F13B: variants seen among roughly 807,000 people sequenced by gnomAD.
The protein encoded by F13B is coagulation factor XIII B chain.
A neutral mutation model predicts 79.8 loss-of-function variants in F13B; 58 were observed. The ratio of observed to expected loss-of-function variants is 0.73; its 90% CI spans 0.59 to 0.90. F13B has a LOEUF of 0.90. F13B is among the 40% of genes least tolerant of loss of function. The pLI is 0.00. For missense variants in F13B, 773 were observed against 777.0 expected, an observed-to-expected ratio of 0.99 and a Z score of 0.06; for synonymous variants, 283 against 260.3, an observed-to-expected ratio of 1.09 and a Z score of -0.84.
intron 1 of F13B, 85 bp downstream of exon 1, chr1:197,067,075 A>G (rs1656084335): frequency 2.2e-5 from 14 of 644,218 alleles, no homozygotes; most frequent in Non-Finnish European, 3.7e-5. Context: ...AAAATAGAAG[A>G]GTATATTAAA....
chr1:197,042,837 A>C (rs1318807739), intron 10 of F13B, among the ~76,000 whole-genome samples: 2 of 149,622 alleles, frequency 1.3e-5, no homozygotes, highest in Non-Finnish European at 3.0e-5. Context: ...AAAAAATTCT[A>C]TGTGCCATTT....
rs776011760 is a variant in F13B, at chr1:197,062,930, G to A, written c.192C>T (p.Thr64=). 1.2e-6 allele frequency: 2 copies of A among 1,613,810 alleles called. No individual in the cohort carries two copies. Among genetic ancestry groups the A allele is most frequent in the Non-Finnish European group, 1.7e-6 (2 of 1,179,824 alleles). Residue 64 remains threonine, a synonymous_variant, in exon 2 of 12, where the codon ACC becomes ACT. Coordinates refer to ENST00000367412, the MANE Select transcript of F13B (RefSeq NM_001994.3). ...GCTCTTCTTGTCTTCCACTTTCAGT[G>A]GTATAACCAGCCAAGCAGAAAAATG... The part of the protein sequence containing the change: ...KLSFFCLAGY[T]TESGRQEEQT...
chr1:197,050,079 G>T (rs558953462), intron 10 of F13B, among the ~76,000 whole-genome samples: 1 of 152,096 alleles, frequency 6.6e-6, no homozygotes, highest in South Asian at 2.1e-4. Flanking sequence ...ATTATCAAAG[G>T]TTTTACTTAT....
rs764387481 is a variant in F13B, at chr1:197,057,031, G to C, written c.1153C>G (p.Leu385Val). ...TACATACCAACACACTCAGGAGGAA[G>C]TGTCCATTTTCCACGATTACAAGTT... is the stretch of plus-strand genomic sequence containing the variant. ...EITCNRGKWT[L>V]PPECVENNEN... Residue 385 changes from leucine (L) to valine (V), a missense_variant, in exon 7 of 12, where the codon CTT becomes GTT. By Grantham distance (32) the Leu-to-Val change is conservative. Coordinates refer to ENST00000367412, the MANE Select transcript of F13B (RefSeq NM_001994.3). 100 of 1,613,496 alleles carry C rather than the reference G, an allele frequency of 6.2e-5. No individual in the cohort carries two copies. Among genetic ancestry groups the C allele is most frequent in the Non-Finnish European group, 7.1e-5 (84 of 1,179,840 alleles).
chr1:197,040,517 C>T lies in F13B; in HGVS notation c.1952+5G>A. ...TAATCTGACCAAAAAAAAAAAACTT[C>T]TTACCTTTGTCTTGGAATACATCTT... On this transcript the variant is annotated splice_donor_5th_base_variant and intron_variant, in intron 11 of 11. Transcript: ENST00000367412. 6.3e-7 allele frequency: 1 copy of T among 1,595,160 alleles called. No individual in the cohort carries two copies. The highest frequency in any genetic ancestry group is 8.6e-7 in the Non-Finnish European group (1 of 1,166,330).
In F13B at chr1:197,050,783, T is replaced by A. The variant is rs1655413370; in HGVS notation, c.1652A>T (p.Tyr551Phe). 1.1e-5 allele frequency: 17 copies of A among 1,613,462 alleles called. 1 individual carries two copies. In the Middle Eastern group the frequency reaches 5.0e-4, roughly 47 times the overall value. ...DTYENGSSVE[Y>F]RCFDHHFLEG... ...TAGGAAATGGTGATCAAAACATCTG[T>A]ATTCTACTGAAGAGCCATTTTCATA... is the stretch of plus-strand genomic sequence containing the variant. Residue 551 changes from tyrosine to phenylalanine, a missense_variant, in exon 10 of 12, where the codon TAC (tyrosine) becomes TTC (phenylalanine). Physicochemically the swap from Tyr to Phe is conservative, Grantham distance 22 (BLOSUM62 3). Coordinates refer to ENST00000367412, the MANE Select transcript of F13B (RefSeq NM_001994.3).
Position 197,057,396 on chromosome 1 carries a change from T to C in F13B, c.875A>G (p.Tyr292Cys). The C allele has an allele frequency of 1.2e-6, 2 of 1,613,970 alleles. No homozygotes were observed. The highest frequency in any genetic ancestry group is 1.7e-6 in the Non-Finnish European group (2 of 1,179,906). ...NSKIQTHSTT[Y>C]RHGEIVHIEC... ...TATATGAACTATTTCTCCATGACGA[T>C]AAGTTGTTGAATGTGTTTGAATTTT... Residue 292 changes from tyrosine (Y) to cysteine (C), a missense_variant, in exon 6 of 12, where the codon TAT becomes TGT. Transcript: ENST00000367412.
chr1:197,050,617 G>A (rs1655406068), intron 10 of F13B, 80 bp downstream of exon 10: 1 of 1,209,826 alleles, frequency 8.3e-7, no homozygotes, highest in Non-Finnish European at 1.2e-6. Flanking sequence ...CATTATATTA[G>A]TGTTATGTTA....
At chr1:197,044,964 G>A (rs919617021) in intron 10 of F13B, among the ~76,000 whole-genome samples, 3 of 151,906 alleles carry the variant, frequency 2.0e-5, no homozygotes, top group African/African-American at 7.3e-5. Context: ...ACCCAGTAAG[G>A]ACAAAGACAC....
In F13B at chr1:197,055,822, G is replaced by T. The variant is rs773595043; in HGVS notation, c.1247C>A (p.Ala416Glu). Reference protein sequence around the residue: ...AVADGILASYATGSSVEYRCN... With the variant: ...AVADGILASYETGSSVEYRCN... ...TCTATATTCCACTGAGGATCCTGTT[G>T]CATAGCTTGCCAATATCCCGTCTGC... The change falls in exon 8 of 12, where the codon GCA becomes GAA. Residue 416 changes from alanine to glutamate, a missense_variant. By Grantham distance (107) the Ala-to-Glu change is moderately radical (BLOSUM62 -1). Coordinates refer to ENST00000367412, the MANE Select transcript of F13B (RefSeq NM_001994.3). The T allele has an allele frequency of 2.6e-5, 42 of 1,613,272 alleles. No homozygotes were observed. The East Asian group carries it at 5.3e-4, about 21-fold the overall frequency.
chr1:197,065,263 C>T (rs1656006004), intron 1 of F13B, among the ~76,000 whole-genome samples: 1 of 152,250 alleles, frequency 6.6e-6, no homozygotes, highest in African/African-American at 2.4e-5. Context: ...TGTCCTGGGA[C>T]ATCTCCCTCC....
At position 197,043,842 on chromosome 1, in the gene F13B, G is replaced by T. The variant is rs117596880; in HGVS notation, c.1739-3107C>A. Among the ~76,000 whole-genome samples, 110 of 152,180 alleles carry T rather than the reference G, an allele frequency of 7.2e-4. 1 individual carries two copies. The East Asian group carries it at 0.019, about 27-fold the overall frequency. On this transcript the variant is annotated intron_variant, in intron 10 of 11. Transcript: ENST00000367412. ...GTAATATATGTAATATGGCATCACA[G>T]AAGAGGTGAGAAATGTACATTTTAA...
intron 3 of F13B, 131 bp from the exon 4 acceptor site, chr1:197,061,206 C>T: frequency 2.0e-6 from 1 of 506,008 alleles, no homozygotes; most frequent in South Asian, 3.3e-5. Context: ...GAAAAATAGC[C>T]CCAATTTTTC....
intron 8 of F13B, among the ~76,000 whole-genome samples, chr1:197,053,429 T>C (rs1038587805): frequency 2.0e-5 from 3 of 152,134 alleles, no homozygotes; most frequent in South Asian, 4.1e-4. Context: ...TCTCATGAGA[T>C]CTGATGGTTT....
At chr1:197,041,318 G>A (rs990656864) in intron 10 of F13B, among the ~76,000 whole-genome samples, 1 of 152,138 alleles carries the variant, frequency 6.6e-6, no homozygotes, top group Admixed American at 6.5e-5. Context: ...AGCATACAAA[G>A]TATAGTTGTG....
intron 9 of F13B, among the ~76,000 whole-genome samples, chr1:197,052,173 C>G (rs927181909): frequency 1.3e-5 from 2 of 152,024 alleles, no homozygotes; most frequent in Non-Finnish European, 1.5e-5. Flanking sequence ...ACATTTAAAT[C>G]TTTAATCCAT....
chr1:197,057,988 T>C (rs535153700), intron 5 of F13B, among the ~76,000 whole-genome samples: 2 of 152,288 alleles, frequency 1.3e-5, no homozygotes, highest in Admixed American at 6.5e-5. Flanking sequence ...AGCTAACATC[T>C]TGATTGCAGC....
In F13B at chr1:197,040,251, GCA is replaced by G. The variant is rs1482304326; in HGVS notation, c.1952+269_1952+270del. ...GTTAATTTTTGCACATTGAAATATT[GCA>G]CGTATAAATTGGTTTATTTTTCCAT... is the stretch of plus-strand genomic sequence containing the variant. On this transcript the variant is annotated intron_variant, in intron 11 of 11. Transcript: ENST00000367412. 2.0e-5 allele frequency: 8 copies of G among 392,362 alleles called. No individual in the cohort carries two copies. The Admixed American group carries it at 3.3e-4, about 16-fold the overall frequency. 24.3% of individuals were successfully genotyped at this position (392,362 alleles called of 1,614,324 possible).
At chr1:197,062,357 T>C (rs772918785) in intron 2 of F13B, among the ~76,000 whole-genome samples, 6 of 152,176 alleles carry the variant, frequency 3.9e-5, no homozygotes, top group Non-Finnish European at 5.9e-5. Context: ...GTCAATTAGA[T>C]TACCTTCTCA....
Sources: gnomAD v4.1 joint callset for allele counts (sites outside exome capture counted in the v4.1 genomes callset) on GRCh38, gnomAD v4.1.1 for gene constraint, MANE v1.5 for transcripts, NCBI Gene and HGNC (gene_info 2026-07-23, HGNC 2026-07-21) for gene names.